ATP5F1B: variants seen among roughly 807,000 people sequenced by gnomAD.
ATP5F1B encodes the protein ATP synthase F(1) complex subunit beta, mitochondrial.
ATP5F1B carries 17 observed loss-of-function variants against 45.9 expected under a neutral mutation model. The ratio of observed to expected loss-of-function variants is 0.37; its 90% CI spans 0.25 to 0.56. ATP5F1B has a LOEUF of 0.56. Ranked by LOEUF, ATP5F1B falls within the 20% of genes least tolerant of loss-of-function variation. The probability of loss-of-function intolerance (pLI) is 0.80; values close to 1 mark genes in which losing one functional copy is unlikely to be tolerated. For synonymous variants in ATP5F1B, 218 were observed against 256.5 expected, an observed-to-expected ratio of 0.85 and a Z score of 1.43; for missense variants, 387 against 673.2, an observed-to-expected ratio of 0.57 and a Z score of 4.70.
chr12:56,641,074 T>C (rs1415937535), intron 7 of ATP5F1B, among the ~76,000 whole-genome samples: 1 of 143,202 alleles, frequency 7.0e-6, no homozygotes, highest in Admixed American at 7.0e-5. Context: ...AATAAAAAAA[T>C]AAAAAAGAGG....
At chr12:56,638,519 T>C (rs1248917788) in intron 9 of ATP5F1B, 96 bp from the exon 10 acceptor site, 10 of 900,424 alleles carry the variant, frequency 1.1e-5, no homozygotes, top group South Asian at 4.3e-5. Context: ...GGCCATCAGT[T>C]AGAATGTGAT....
chr12:56,643,508 A>C lies in ATP5F1B; in HGVS notation c.687T>G (p.Gly229=). Residue 229 remains glycine (G), a synonymous_variant, in exon 5 of 10, where the codon GGT becomes GGG. Transcript: ENST00000262030. The stretch of plus-strand genomic sequence containing the variant: ...CACCAACACCAGCAAACACAGAGTA[A>C]CCACCATGGGCTTTGGCGACATTGT... ...LINNVAKAHG[G]YSVFAGVGER... 6.2e-7 allele frequency: 1 copy of C among 1,614,134 alleles called. No homozygotes were observed. Among genetic ancestry groups the C allele is most frequent in the Non-Finnish European group, 8.5e-7 (1 of 1,180,018 alleles).
Position 56,643,809 on chromosome 12 carries a change from G to A in ATP5F1B, c.607+28C>T, listed in dbSNP as rs939941233. 3.1e-6 allele frequency: 5 copies of A among 1,613,636 alleles called. No individual in the cohort carries two copies. In the Admixed American group the frequency reaches 6.7e-5, roughly 22 times the overall value. On this transcript the variant is annotated intron_variant, in intron 4 of 9. Transcript: ENST00000262030. Reference sequence around the variant, plus strand: ...GAGTTTTTCCTCCCATATTAGGTTTGGAAAATATGTACCCCTTAATAACAT... The same window carrying A: ...GAGTTTTTCCTCCCATATTAGGTTTAGAAAATATGTACCCCTTAATAACAT...
At position 56,642,741 on chromosome 12, in the gene ATP5F1B, C is replaced by G; in HGVS notation, c.883G>C (p.Asp295His). ...AGCAGTACATCTTGACCTTCTTGGTCTCTGAAGTATTCAGCCACAGTCAGC... is the reference window on the plus strand; with the variant it reads ...AGCAGTACATCTTGACCTTCTTGGTGTCTGAAGTATTCAGCCACAGTCAGC... ...TGLTVAEYFRDQEGQDVLLFI... is the reference protein window; with the variant it reads ...TGLTVAEYFRHQEGQDVLLFI... Residue 295 changes from aspartate (D) to histidine (H), a missense_variant, in exon 6 of 10, where the codon GAC becomes CAC. By Grantham distance (81) the Asp-to-His change is moderately conservative. Coordinates refer to ENST00000262030, the MANE Select transcript of ATP5F1B (RefSeq NM_001686.4). 1 of 1,614,166 alleles carries G rather than the reference C, an allele frequency of 6.2e-7. No homozygotes were observed. The highest frequency in any genetic ancestry group is 8.5e-7 in the Non-Finnish European group (1 of 1,180,032).
chr12:56,638,441 A>G lies in ATP5F1B; in HGVS notation c.1490-18T>C, dbSNP rs111493012. ...ATATTCACCTGTATGATGGGGGAGA[A>G]AAAAAAAAAGAGTAAGAAGCGGAGG... On this transcript the variant is annotated intron_variant, in intron 9 of 9. Transcript: ENST00000262030. 198 of 1,504,382 alleles carry G rather than the reference A, an allele frequency of 1.3e-4. No homozygotes were observed. The highest frequency in any genetic ancestry group is 1.7e-4 in the Non-Finnish European group (191 of 1,100,780). 93.2% of individuals were successfully genotyped at this position (1,504,382 alleles called of 1,614,324 possible).
At chr12:56,642,953 G>C in intron 5 of ATP5F1B, 122 bp from the exon 6 acceptor site, 1 of 1,124,130 alleles carries the variant, frequency 8.9e-7, no homozygotes, top group Non-Finnish European at 1.2e-6. Flanking sequence ...GTTTTTGTGT[G>C]CAAGTTTCTT....
chr12:56,640,145 AG>A lies in ATP5F1B; in HGVS notation c.1121del (p.Thr374IlefsTer28). ...ADDLTDPAPA[T>X]TFAHLDATTV... Reference sequence around the variant, plus strand: ...TGGTAGCATCCAAATGGGCAAACGTAGTAGCAGGGGCAGGGTCAGTCAAGTC... The same window carrying A: ...TGGTAGCATCCAAATGGGCAAACGTATAGCAGGGGCAGGGTCAGTCAAGTC... On this transcript the variant is annotated frameshift_variant, in exon 8 of 10. Coordinates refer to ENST00000262030, the MANE Select transcript of ATP5F1B (RefSeq NM_001686.4). LOFTEE classifies it high-confidence loss of function. 3 of 1,613,946 alleles carry A rather than the reference AG, an allele frequency of 1.9e-6. No homozygotes were observed. The highest frequency in any genetic ancestry group is 2.5e-6 in the Non-Finnish European group (3 of 1,179,884).
rs754432588 is a variant in ATP5F1B, at chr12:56,638,439, GAAA to G, written c.1490-19_1490-17del. 6.6e-6 allele frequency: 8 copies of G among 1,203,512 alleles called. No homozygotes were observed. The highest frequency in any genetic ancestry group is 1.5e-5 in the South Asian group (1 of 65,708). 74.6% of individuals were successfully genotyped at this position (1,203,512 alleles called of 1,614,324 possible). On this transcript the variant is annotated splice_polypyrimidine_tract_variant and intron_variant, in intron 9 of 9. Transcript: ENST00000262030. The stretch of plus-strand genomic sequence containing the variant: ...TCATATTCACCTGTATGATGGGGGA[GAAA>G]AAAAAAAAGAGTAAGAAGCGGAGGG...
At chr12:56,643,772 A>G (rs751683587) in intron 4 of ATP5F1B, 65 bp downstream of exon 4, 5 of 1,601,556 alleles carry the variant, frequency 3.1e-6, no homozygotes, top group Non-Finnish European at 4.3e-6. Flanking sequence ...ATATCCACTC[A>G]TAACATTGTA....
chr12:56,645,545 G>A (rs1456280114), intron 1 of ATP5F1B, among the ~76,000 whole-genome samples, 192 bp from the exon 2 acceptor site: 1 of 152,146 alleles, frequency 6.6e-6, no homozygotes, highest in Non-Finnish European at 1.5e-5. Context: ...CCATCCGCAT[G>A]CACAAGACCC....
chr12:56,645,924 A>C lies in ATP5F1B; in HGVS notation c.40T>G (p.Ser14Ala), dbSNP rs1248989098. ...GGGGTGAGTCTCCGCAAGGCCCCGG[A>C]GGCCGGAGCAGCGGCCACCCGACCC... ...FVGRVAAAPA[S>A]GALRRLTPSA... Residue 14 changes from serine to alanine, a missense_variant, in exon 1 of 10, where the codon TCC becomes GCC. Transcript: ENST00000262030. 2 of 1,607,224 alleles carry C rather than the reference A, an allele frequency of 1.2e-6. No individual in the cohort carries two copies. Among genetic ancestry groups the C allele is most frequent in the Admixed American group, 3.4e-5 (2 of 58,878 alleles).
At position 56,638,355 on chromosome 12, in the gene ATP5F1B, C is replaced by A. The variant is rs1422540903; in HGVS notation, c.1558G>T (p.Ala520Ser). ...GAATGCTCTTCAGCCAGCTTATCAG[C>A]TTTTGCCACAGCTTCTTCAATGGGT... is the stretch of plus-strand genomic sequence containing the variant. The part of the protein sequence containing the change: ...VGPIEEAVAK[A>S]DKLAEEHSS The change falls in exon 10 of 10, where the codon GCT (alanine) becomes TCT (serine). Residue 520 changes from alanine (A) to serine (S), a missense_variant. Ala to Ser is a moderately conservative substitution (Grantham distance 99). Transcript: ENST00000262030. The A allele has an allele frequency of 6.2e-7, 1 of 1,613,958 alleles. No individual in the cohort carries two copies. Among genetic ancestry groups the A allele is most frequent in the Admixed American group, 1.7e-5 (1 of 60,002 alleles).
At position 56,645,163 on chromosome 12, in the gene ATP5F1B, C is replaced by T. The variant is rs1188862375; in HGVS notation, c.310+8G>A. Reference sequence around the variant, plus strand: ...AGGTCTTTACTATTCCTAACAAACTCTACTTACCCAAATGCTGGGCCACCT... The same window carrying T: ...AGGTCTTTACTATTCCTAACAAACTTTACTTACCCAAATGCTGGGCCACCT... On this transcript the variant is annotated splice_region_variant and intron_variant, in intron 2 of 9. Coordinates refer to ENST00000262030, the MANE Select transcript of ATP5F1B (RefSeq NM_001686.4). 12 of 1,613,968 alleles carry T rather than the reference C, an allele frequency of 7.4e-6. No individual in the cohort carries two copies. The highest frequency in any genetic ancestry group is 8.5e-6 in the Non-Finnish European group (10 of 1,179,908).
chr12:56,638,717 G>A (rs1159562433), intron 9 of ATP5F1B, among the ~76,000 whole-genome samples: 1 of 152,158 alleles, frequency 6.6e-6, no homozygotes, highest in African/African-American at 2.4e-5. Flanking sequence ...CCAACATGGT[G>A]AAACCCCATG....
rs765193597 is a variant in ATP5F1B at position 56,639,965 on chromosome 12, T to A, written c.1287+15A>T. The A allele has an allele frequency of 6.2e-7, 1 of 1,612,846 alleles. No individual in the cohort carries two copies. ...TGACTTTCCGGACACTGATCCCACA[T>A]AGTAATATACTCACCTGCAGGATCT... On this transcript the variant is annotated intron_variant, in intron 8 of 9. Coordinates refer to ENST00000262030, the MANE Select transcript of ATP5F1B (RefSeq NM_001686.4).
At chr12:56,640,231 A>ATTTTTT (rs201281818) in intron 7 of ATP5F1B, 39 bp from the exon 8 acceptor site, 4 of 1,367,952 alleles carry the variant, frequency 2.9e-6, no homozygotes, top group African/African-American at 1.5e-5. Flanking sequence ...ACCAAAGTAA[A>ATTTTTT]TTTTTTTTTT....
chr12:56,643,413 G>A lies in ATP5F1B; in HGVS notation c.782C>T (p.Ala261Val). The change falls in exon 5 of 10, where the codon GCC (alanine) becomes GTC (valine). Residue 261 changes from alanine to valine, a missense_variant. Around this residue, in one of 6 missense-constraint regions of ATP5F1B, gnomAD observed 154 missense variants for 361.4 expected, o/e 0.43. Coordinates refer to ENST00000262030, the MANE Select transcript of ATP5F1B (RefSeq NM_001686.4). ...TAGCTCAATGCTTACCTTAGAGGTG[G>A]CATCTTTTAAGTTGATAACACCAGA... ...IESGVINLKD[A>V]TSKVALVYGQ... is the part of the protein sequence containing the mutation. 1.2e-6 allele frequency: 2 copies of A among 1,613,966 alleles called. No homozygotes were observed. Among genetic ancestry groups the A allele is most frequent in the Middle Eastern group, 1.7e-4 (1 of 6,058 alleles).
At chr12:56,638,950 TTAAATG>T (rs1343583742) in intron 9 of ATP5F1B, among the ~76,000 whole-genome samples, 150 bp downstream of exon 9, 1 of 152,176 alleles carries the variant, frequency 6.6e-6, no homozygotes, top group Non-Finnish European at 1.5e-5. Context: ...CACACTCAAA[TTAAATG>T]TAGAGTATTT....
chr12:56,642,193 C>T lies in ATP5F1B; in HGVS notation c.1074+265G>A, dbSNP rs1160716783. Among the ~76,000 whole-genome samples, 5 of 151,956 alleles carry T rather than the reference C, an allele frequency of 3.3e-5. No homozygotes were observed. The East Asian group carries it at 9.7e-4, about 29-fold the overall frequency. On this transcript the variant is annotated intron_variant, in intron 7 of 9. Coordinates refer to ENST00000262030, the MANE Select transcript of ATP5F1B (RefSeq NM_001686.4). ...TGTATCTTTAGTAGAGACGGGATTT[C>T]ACCACGTTGGCCAGGGTGGTGTCTT...
Sources: gnomAD v4.1 joint callset for allele counts (sites outside exome capture counted in the v4.1 genomes callset) on GRCh38, gnomAD v4.1.1 for gene constraint, gnomAD v4.1.1 regional missense constraint, MANE v1.5 for transcripts, NCBI Gene and HGNC (gene_info 2026-07-23, HGNC 2026-07-21) for gene names.